The following CDH13 variants were observed in gnomAD, a reference collection of about 807,000 sequenced individuals.
CDH13 encodes the protein cadherin-13.
Under a neutral mutation model 63.8 loss-of-function variants are expected in CDH13, and 24 were observed. The ratio of observed to expected loss-of-function variants is 0.38; its 90% CI spans 0.27 to 0.53. The LOEUF (loss-of-function observed/expected upper bound fraction) is 0.53, where lower values mean the gene tolerates loss of function less well. CDH13 is among the 20% of genes least tolerant of loss of function. CDH13 has a pLI of 0.85. For synonymous variants in CDH13, 503 were observed against 355.3 expected (o/e 1.42, Z -4.67); for missense variants, 1,049 against 903.1 (o/e 1.16, Z -2.07).
In CDH13 at chr16:82,636,273, G is replaced by T. The variant is rs536210543; in HGVS notation, c.45+9136G>T. On this transcript the variant is annotated intron_variant, in intron 1 of 13. Coordinates refer to ENST00000567109, the MANE Select transcript of CDH13 (RefSeq NM_001257.5). ...GTGTTTGACATTGTAAACAGGGTCG[G>T]TCTGAGGGCTTCTCTATGTGGGAGT... 3.3e-5 allele frequency among the ~76,000 whole-genome samples: 5 copies of T among 152,190 alleles called. No homozygotes were observed. The South Asian group carries it at 8.3e-4, about 25-fold the overall frequency.
intron 5 of CDH13, among the ~76,000 whole-genome samples, chr16:83,277,578 T>C (rs75611045): frequency 7.4e-4 from 112 of 152,198 alleles, no homozygotes; most frequent in African/African-American, 2.6e-3. Context: ...AATACTGAGG[T>C]GTTTTGTGCG....
chr16:83,267,790 C>T (rs77910065), intron 5 of CDH13, among the ~76,000 whole-genome samples: 11,378 of 152,196 alleles, frequency 0.075, 466 homozygotes, highest in East Asian at 0.14. Flanking sequence ...TTAGAAATGA[C>T]CCAGTCATTT....
intron 5 of CDH13, among the ~76,000 whole-genome samples, chr16:83,279,397 A>G (rs945510963): frequency 6.6e-6 from 1 of 152,212 alleles, no homozygotes; most frequent in African/African-American, 2.4e-5. Flanking sequence ...CGCACAAAGT[A>G]ATTGTTTTAC....
intron 4 of CDH13, among the ~76,000 whole-genome samples, chr16:83,129,451 G>T (rs959333592): frequency 6.6e-6 from 1 of 152,156 alleles, no homozygotes; most frequent in African/African-American, 2.4e-5. Flanking sequence ...AGGGAGAGAC[G>T]TGGAGAAGGG....
intron 3 of CDH13, among the ~76,000 whole-genome samples, chr16:83,049,636 C>A (rs765365511): frequency 6.6e-6 from 1 of 152,284 alleles, no homozygotes; most frequent in Non-Finnish European, 1.5e-5. Flanking sequence ...GCCTCTTTTA[C>A]TTTGCATAAT....
chr16:83,780,918 C>T (rs759934312), intron 12 of CDH13, among the ~76,000 whole-genome samples: 2 of 152,166 alleles, frequency 1.3e-5, no homozygotes, highest in African/African-American at 4.8e-5. Context: ...TCGTGGTGTA[C>T]CTGCTGTCAT....
intron 1 of CDH13, among the ~76,000 whole-genome samples, chr16:82,728,538 C>T (rs565911283): frequency 6.6e-6 from 1 of 152,062 alleles, no homozygotes; most frequent in South Asian, 2.1e-4. Flanking sequence ...AAAACGTGTG[C>T]ATACCTTAAT....
chr16:83,178,755 A>G (rs983469799), intron 4 of CDH13, among the ~76,000 whole-genome samples: 2 of 152,084 alleles, frequency 1.3e-5, no homozygotes, highest in African/African-American at 2.4e-5. Context: ...GAGAATCCAT[A>G]CAGTCATTGA....
At chr16:83,136,531 G>C (rs1460126438) in intron 4 of CDH13, among the ~76,000 whole-genome samples, 1 of 151,818 alleles carries the variant, frequency 6.6e-6, no homozygotes, top group Non-Finnish European at 1.5e-5. Flanking sequence ...CTAGAGGAAG[G>C]AGAAACATAC....
rs74034180 is a variant in CDH13 at position 83,359,152 on chromosome 16, T to A, written c.781+14146T>A. On this transcript the variant is annotated intron_variant, in intron 6 of 13. Coordinates refer to ENST00000567109, the MANE Select transcript of CDH13 (RefSeq NM_001257.5). Reference sequence around the variant, plus strand: ...CCTGTGAGTTCATCAGGGAGATCAATGTATTCTGACAAGGGTACAGCACAA... The same window carrying A: ...CCTGTGAGTTCATCAGGGAGATCAAAGTATTCTGACAAGGGTACAGCACAA... 9.4e-3 allele frequency among the ~76,000 whole-genome samples: 1,429 copies of A among 152,284 alleles called. 21 individuals carry two copies. Among genetic ancestry groups the A allele is most frequent in the African/African-American group, 0.033 (1,380 of 41,564 alleles).
chr16:83,146,320 C>G (rs142051504), intron 4 of CDH13, among the ~76,000 whole-genome samples: 6 of 152,314 alleles, frequency 3.9e-5, no homozygotes, highest in Non-Finnish European at 7.4e-5. Flanking sequence ...GACATTATGT[C>G]TAGATAACTC....
chr16:83,042,456 C>A (rs1005139366), intron 3 of CDH13, among the ~76,000 whole-genome samples: 3 of 152,092 alleles, frequency 2.0e-5, no homozygotes, highest in Middle Eastern at 3.2e-3. Context: ...GAGACAGGAC[C>A]ATGTAGTCGC....
At chr16:82,692,249 A>T (rs543873486) in intron 1 of CDH13, among the ~76,000 whole-genome samples, 1 of 152,266 alleles carries the variant, frequency 6.6e-6, no homozygotes, top group East Asian at 1.9e-4. Flanking sequence ...AAATGTTCAC[A>T]CTCTGCCTTT....
At chr16:82,640,283 A>G (rs1465630256) in intron 1 of CDH13, among the ~76,000 whole-genome samples, 1 of 152,154 alleles carries the variant, frequency 6.6e-6, no homozygotes, top group East Asian at 1.9e-4. Flanking sequence ...TGTGAAAGGA[A>G]GTTAGTAATA....
chr16:82,734,359 A>C (rs940082822), intron 1 of CDH13, among the ~76,000 whole-genome samples: 2 of 152,238 alleles, frequency 1.3e-5, no homozygotes, highest in African/African-American at 4.8e-5. Context: ...ATCTAGAAGA[A>C]GAGTTTTCCA....
At chr16:83,730,147 T>C (rs16961487) in intron 10 of CDH13, among the ~76,000 whole-genome samples, 3,443 of 152,334 alleles carry the variant, frequency 0.023, 134 homozygotes, top group East Asian at 0.17. Flanking sequence ...AGTTCCCTGA[T>C]TGATTTTTTA....
At chr16:83,137,973 C>T (rs1173772704) in intron 4 of CDH13, among the ~76,000 whole-genome samples, 2 of 151,640 alleles carry the variant, frequency 1.3e-5, no homozygotes, top group Non-Finnish European at 2.9e-5. Flanking sequence ...GGGGGAAAGA[C>T]GTGATGTGAG....
intron 2 of CDH13, among the ~76,000 whole-genome samples, chr16:82,884,889 G>A (rs1019264138): frequency 3.3e-5 from 5 of 152,116 alleles, no homozygotes; most frequent in South Asian, 2.1e-4. Flanking sequence ...CTAAAGTTGC[G>A]TCAAATTTTT....
chr16:83,606,830 AC>A (rs1409995532), intron 8 of CDH13, among the ~76,000 whole-genome samples: 2 of 151,244 alleles, frequency 1.3e-5, no homozygotes, highest in Non-Finnish European at 2.9e-5. Flanking sequence ...CGCCGCCCTC[AC>A]GGCTGCCTTG....
Sources: allele counts gnomAD v4.1 joint callset (sites outside exome capture counted in the v4.1 genomes callset), GRCh38; gene constraint gnomAD v4.1.1; transcripts MANE v1.5; gene names NCBI Gene and HGNC (gene_info 2026-07-23, HGNC 2026-07-21).